SMUG1: variants seen among roughly 807,000 people sequenced by gnomAD.
SMUG1 encodes the protein single-strand selective monofunctional uracil DNA glycosylase.
A neutral mutation model predicts 23.9 loss-of-function variants in SMUG1; 13 were observed. The ratio of observed to expected loss-of-function variants is 0.54; its 90% confidence interval spans 0.35 to 0.86. The LOEUF is 0.86. Among genes scored for constraint, SMUG1 ranks in the 40% least tolerant of loss-of-function variants. The probability of loss-of-function intolerance (pLI) is 0.01; values close to 1 mark genes in which losing one functional copy is unlikely to be tolerated. For missense variants in SMUG1, 313 were observed against 339.5 expected (o/e 0.92, Z 0.61); for synonymous variants, 133 against 139.8 (o/e 0.95, Z 0.34).
In SMUG1 at chr12:54,182,429, A is replaced by G. The variant is rs35971604; in HGVS notation, c.480T>C (p.Phe160=). The change falls in exon 4 of 4, where the codon TTT becomes TTC. Residue 160 remains phenylalanine, a synonymous_variant. Transcript: ENST00000682136. ...AAAGCAGAGGGCATAGATTGTGGAC[A>G]AAACAGTGATGGAAGAAGACCTCAG... is the stretch of plus-strand genomic sequence containing the variant. ...GQPEVFFHHC[F]VHNLCPLLFL... 1 of 1,614,222 alleles carries G rather than the reference A, an allele frequency of 6.2e-7. No homozygotes were observed. Among genetic ancestry groups the G allele is most frequent in the African/African-American group, 1.3e-5 (1 of 75,048 alleles).
At chr12:54,188,298 T>TAATAATA (rs1565844492) in intron 1 of SMUG1, among the ~76,000 whole-genome samples, 105 of 60,970 alleles carry the variant, frequency 1.7e-3, no homozygotes, top group East Asian at 5.6e-3. Context: ...TAATAATAAA[T>TAATAATA]AATAATAATA....
chr12:54,170,452 A>G (rs1476826766), intron 3 of SMUG1, among the ~76,000 whole-genome samples: 2 of 152,064 alleles, frequency 1.3e-5, no homozygotes, highest in Non-Finnish European at 2.9e-5. Context: ...GACTGGGACC[A>G]TCTAGATATG....
Position 54,181,298 on chromosome 12 carries a change from G to T in SMUG1, c.*798C>A. The T allele has an allele frequency of 4.1e-6, 2 of 484,046 alleles. No individual in the cohort carries two copies. The highest frequency in any genetic ancestry group is 6.6e-5 in the South Asian group (2 of 30,088). 30.0% of individuals were successfully genotyped at this position (484,046 alleles called of 1,614,324 possible). On this transcript the variant is annotated 3_prime_UTR_variant, in exon 4 of 4. Coordinates refer to ENST00000682136, the MANE Select transcript of SMUG1 (RefSeq NM_001243787.2). ...AGCAAGGTATCCAGAATGGAGAGGG[G>T]CTACCCTTGTAGTGCAGTGCTGTGA...
intron 3 of SMUG1, chr12:54,168,266 T>G (rs1940536004): frequency 6.6e-6 from 1 of 152,222 alleles, no homozygotes; most frequent in Non-Finnish European, 1.5e-5. Flanking sequence ...TCCCTCAATC[T>G]TCATCATTCT....
chr12:54,170,424 G>A (rs2136542239), intron 3 of SMUG1, among the ~76,000 whole-genome samples: 1 of 152,214 alleles, frequency 6.6e-6, no homozygotes, highest in South Asian at 2.1e-4. Context: ...GGGGAATGAA[G>A]CAGTGGCCCA....
chr12:54,158,834 T>C (rs1345294579), intron 4 of SMUG1, among the ~76,000 whole-genome samples: 2 of 152,210 alleles, frequency 1.3e-5, no homozygotes, highest in Non-Finnish European at 2.9e-5. Context: ...TGATTCATCT[T>C]ATAAAAAGCT....
At chr12:54,182,748 C>T in intron 3 of SMUG1, 125 bp from the exon 4 acceptor site, 1 of 1,471,818 alleles carries the variant, frequency 6.8e-7, no homozygotes, top group Non-Finnish European at 9.0e-7. Context: ...CTACCTTCAC[C>T]CAAAGGCCTG....
downstream of SMUG1, among the ~76,000 whole-genome samples, chr12:54,178,533 C>T (rs552576927): frequency 6.6e-4 from 100 of 152,296 alleles, no homozygotes; most frequent in East Asian, 1.9e-3. Context: ...CTCTTCCCAT[C>T]CCTTTCCCCA....
chr12:54,181,514 A>T lies in SMUG1; in HGVS notation c.*582T>A. The T allele has an allele frequency of 1.3e-6, 2 of 1,527,732 alleles. No homozygotes were observed. The highest frequency in any genetic ancestry group is 1.8e-6 in the Non-Finnish European group (2 of 1,139,108). The allele number at this position is 1,527,732 out of a possible 1,614,324, so 94.6% of individuals were successfully genotyped here. The stretch of plus-strand genomic sequence containing the variant: ...ATTAATTTGTCAATCAAAAAGTTCC[A>T]AGTTTCAAAGCTGGGATGAAAAGCC... On this transcript the variant is annotated 3_prime_UTR_variant, in exon 4 of 4. Transcript: ENST00000682136.
intron 2 of SMUG1, among the ~76,000 whole-genome samples, chr12:54,173,801 C>CT (rs1940688344): frequency 1.3e-5 from 2 of 150,208 alleles, no homozygotes; most frequent in Non-Finnish European, 3.0e-5. Flanking sequence ...CGAGTCTGGG[C>CT]TCCTTCTTCT....
chr12:54,164,054 G>A (rs560168821), downstream of SMUG1, among the ~76,000 whole-genome samples: 1 of 151,960 alleles, frequency 6.6e-6, no homozygotes, highest in Non-Finnish European at 1.5e-5. Flanking sequence ...TGACCCGGGA[G>A]GCAGAAGGGG....
chr12:54,171,425 C>T (rs1239117043), intron 3 of SMUG1, among the ~76,000 whole-genome samples: 1 of 151,460 alleles, frequency 6.6e-6, no homozygotes, highest in Non-Finnish European at 1.5e-5. Context: ...GGCGCGGTGG[C>T]TCACACTTGT....
intron 2 of SMUG1, among the ~76,000 whole-genome samples, chr12:54,186,404 G>A (rs533305331): frequency 2.6e-5 from 4 of 151,406 alleles, no homozygotes; most frequent in East Asian, 1.9e-4. Flanking sequence ...GTGCAGTGGC[G>A]CGATCTCAGC....
At position 54,183,962 on chromosome 12, in the gene SMUG1, G is replaced by T; in HGVS notation, c.-19-3C>A. On this transcript the variant is annotated splice_region_variant and splice_polypyrimidine_tract_variant and intron_variant, in intron 2 of 3. Transcript: ENST00000682136. ...GCATATGTCCATGCCGCTGTCACCT[G>T]GGAAAAGAGATGGACAGAAGCCCCA... is the stretch of plus-strand genomic sequence containing the variant. The T allele has an allele frequency of 6.7e-7, 1 of 1,500,504 alleles. No homozygotes were observed. 92.9% of individuals were successfully genotyped at this position (1,500,504 alleles called of 1,614,324 possible). A position where few individuals can be genotyped will look rare whatever the true frequency, so the allele number is the denominator to read the frequency against.
At chr12:54,184,626 C>T (rs898883189) in intron 2 of SMUG1, among the ~76,000 whole-genome samples, 10 of 152,202 alleles carry the variant, frequency 6.6e-5, no homozygotes, top group African/African-American at 2.2e-4. Context: ...TTTGGTTGAG[C>T]CCAATCTCTC....
At chr12:54,171,415 G>A (rs1454285324) in intron 3 of SMUG1, among the ~76,000 whole-genome samples, 3 of 151,324 alleles carry the variant, frequency 2.0e-5, no homozygotes, top group Admixed American at 1.3e-4. Context: ...CTTGTGGTCG[G>A]GCGCGGTGGC....
chr12:54,158,857 A>G lies in SMUG1; in HGVS notation n.687+6517T>C, dbSNP rs142579395. Among the ~76,000 whole-genome samples, 238 of 152,228 alleles carry G rather than the reference A, an allele frequency of 1.6e-3. 1 individual carries two copies. Among genetic ancestry groups the G allele is most frequent in the African/African-American group, 5.4e-3 (224 of 41,532 alleles). On this transcript the variant is annotated intron_variant and non_coding_transcript_variant, in intron 4 of 5. Coordinates refer to the SMUG1 transcript ENST00000634429. ...CTTATAAAAAGCTTTCCAAACCTCT[A>G]TCTCCACCTTTCTGTCTTTTGCTCA...
At chr12:54,176,581 C>A (rs1449534870), downstream of SMUG1, among the ~76,000 whole-genome samples, 1 of 145,884 alleles carries the variant, frequency 6.9e-6, no homozygotes, top group Non-Finnish European at 1.5e-5. Flanking sequence ...CCGAGACGGG[C>A]GGATCACAAG....
intron 3 of SMUG1, among the ~76,000 whole-genome samples, chr12:54,171,558 C>A (rs922145889): frequency 6.6e-6 from 1 of 151,622 alleles, no homozygotes; most frequent in African/African-American, 2.4e-5. Flanking sequence ...GACGTGGCAG[C>A]GCGTGCCTGT....
Sources: allele counts gnomAD v4.1 joint callset (sites outside exome capture counted in the v4.1 genomes callset), GRCh38; gene constraint gnomAD v4.1.1; transcripts MANE v1.5; gene names NCBI Gene and HGNC (gene_info 2026-07-23, HGNC 2026-07-21).